PBX1: variants seen among roughly 807,000 people sequenced by gnomAD.
The protein encoded by PBX1 is PBX homeobox 1, also known as pre-B-cell leukemia transcription factor 1.
Under a neutral mutation model 53.4 loss-of-function variants are expected in PBX1, and 6 were observed. That is an observed-to-expected ratio of 0.11 (90% CI 0.06 to 0.22). PBX1 has a LOEUF of 0.22. PBX1 is among the 10% of genes least tolerant of loss of function. PBX1 has a pLI of 1.00. For synonymous variants in PBX1, 204 were observed against 212.3 expected (o/e 0.96, Z 0.34); for missense variants, 251 against 551.4 (o/e 0.46, Z 5.46).
intron 2 of PBX1, among the ~76,000 whole-genome samples, chr1:164,587,021 C>G (rs1400040099): frequency 1.3e-5 from 2 of 152,162 alleles, no homozygotes; most frequent in Non-Finnish European, 2.9e-5. Context: ...GGATGTCATG[C>G]ATAACGAGGT....
rs1276540840 is a variant in PBX1, at chr1:164,599,705, G to A, written c.265+36394G>A. Among the ~76,000 whole-genome samples the A allele has an allele frequency of 2.0e-5, 3 of 152,288 alleles. No homozygotes were observed. The East Asian group carries it at 5.8e-4, about 29-fold the overall frequency. On this transcript the variant is annotated intron_variant, in intron 2 of 8. Coordinates refer to ENST00000420696, the MANE Select transcript of PBX1 (RefSeq NM_002585.4). ...CTCTGTTATATAATATAAATGCTTAGGGAAGCTTAGATTCAATGGGTTGTG... is the reference window on the plus strand; with the variant it reads ...CTCTGTTATATAATATAAATGCTTAAGGAAGCTTAGATTCAATGGGTTGTG...
downstream of PBX1, among the ~76,000 whole-genome samples, chr1:164,853,005 C>T (rs1437330929): frequency 6.6e-6 from 1 of 152,192 alleles, no homozygotes; most frequent in Non-Finnish European, 1.5e-5. Context: ...AAGAAACAGA[C>T]CAAAAATGTA....
intron 2 of PBX1, among the ~76,000 whole-genome samples, chr1:164,667,580 C>T (rs1166637986): frequency 6.6e-6 from 1 of 152,164 alleles, no homozygotes; most frequent in Non-Finnish European, 1.5e-5. Flanking sequence ...CAAGACATCA[C>T]ATGGACCCCT....
intron 2 of PBX1, among the ~76,000 whole-genome samples, chr1:164,591,750 A>ACG (rs1655396955): frequency 6.6e-6 from 1 of 152,210 alleles, no homozygotes; most frequent in Non-Finnish European, 1.5e-5. Context: ...AGACTTGTGC[A>ACG]GGTTTTCCTA....
chr1:164,563,865 C>A (rs915594471), intron 2 of PBX1: 1 of 152,236 alleles, frequency 6.6e-6, no homozygotes, highest in Non-Finnish European at 1.5e-5. Context: ...CAGGGAGAAT[C>A]GTTGGGTTTA....
chr1:164,633,541 G>A (rs1451184009), intron 2 of PBX1, among the ~76,000 whole-genome samples: 1 of 152,164 alleles, frequency 6.6e-6, no homozygotes, highest in Admixed American at 6.5e-5. Flanking sequence ...TGGGGTCTCA[G>A]TATGGACTGT....
Position 164,559,430 on chromosome 1 carries a change from A to G in PBX1, c.-393A>G, listed in dbSNP as rs1351587945. The G allele has an allele frequency of 4.4e-5, 11 of 247,440 alleles. No individual in the cohort carries two copies. Among genetic ancestry groups the G allele is most frequent in the Non-Finnish European group, 7.0e-5 (9 of 128,324 alleles). The allele number at this position is 247,440 out of a possible 1,614,324, so 15.3% of individuals were successfully genotyped here. On this transcript the variant is annotated 5_prime_UTR_variant, in exon 1 of 9. Coordinates refer to ENST00000420696, the MANE Select transcript of PBX1 (RefSeq NM_002585.4). ...TCAATGCATATTTGCAAAAGGATTAAGCCACAGATTTAAGCGCCGGGAGCC... is the reference window on the plus strand; with the variant it reads ...TCAATGCATATTTGCAAAAGGATTAGGCCACAGATTTAAGCGCCGGGAGCC...
At chr1:164,609,261 A>G (rs1050353505) in intron 2 of PBX1, among the ~76,000 whole-genome samples, 3 of 152,032 alleles carry the variant, frequency 2.0e-5, no homozygotes, top group Non-Finnish European at 2.9e-5. Context: ...TGATAAGTTC[A>G]GAACAAGAGA....
chr1:164,742,406 G>T (rs1571321882), intron 2 of PBX1, among the ~76,000 whole-genome samples: 1 of 152,260 alleles, frequency 6.6e-6, no homozygotes, highest in East Asian at 1.9e-4. Flanking sequence ...GCCAGGCATG[G>T]TGATGCACAT....
chr1:164,782,848 C>T (rs1667999204), intron 2 of PBX1, among the ~76,000 whole-genome samples: 1 of 152,204 alleles, frequency 6.6e-6, no homozygotes, highest in Non-Finnish European at 1.5e-5. Context: ...TGGGGTTTCT[C>T]TACATCCTGG....
intron 2 of PBX1, among the ~76,000 whole-genome samples, chr1:164,747,658 T>G (rs898285917): frequency 9.9e-5 from 15 of 152,170 alleles, no homozygotes; most frequent in Admixed American, 2.0e-4. Flanking sequence ...TTGCTGTCTC[T>G]TCTTAGGCTC....
At chr1:164,813,176 G>A (rs144273920) in intron 6 of PBX1, 25 of 152,260 alleles carry the variant, frequency 1.6e-4, no homozygotes, top group African/African-American at 5.8e-4. Flanking sequence ...GAAATGTAGG[G>A]TTCCACAGAC....
intron 3 of PBX1, among the ~76,000 whole-genome samples, chr1:164,798,239 T>C (rs1383998227): frequency 6.6e-6 from 1 of 152,262 alleles, no homozygotes; most frequent in Non-Finnish European, 1.5e-5. Context: ...ACTATTGTTA[T>C]TGTTATTGCG....
intron 2 of PBX1, among the ~76,000 whole-genome samples, chr1:164,735,957 AGTTT>A (rs1204056109): frequency 6.6e-6 from 1 of 152,180 alleles, no homozygotes; most frequent in Non-Finnish European, 1.5e-5. Context: ...AAGAGCAAGC[AGTTT>A]GTTTGCTCAG....
At chr1:164,795,785 T>C (rs1248829142) in intron 3 of PBX1, among the ~76,000 whole-genome samples, 1 of 152,166 alleles carries the variant, frequency 6.6e-6, no homozygotes, top group Non-Finnish European at 1.5e-5. Context: ...ATAGAAAACC[T>C]TGGTCAAGTG....
chr1:164,803,751 T>C (rs1460401540), intron 4 of PBX1, among the ~76,000 whole-genome samples: 2 of 152,216 alleles, frequency 1.3e-5, no homozygotes, highest in Non-Finnish European at 2.9e-5. Flanking sequence ...GAATTTATCC[T>C]ATTAAACAGC....
intron 2 of PBX1, among the ~76,000 whole-genome samples, chr1:164,786,741 G>T (rs1001394608): frequency 7.0e-6 from 1 of 143,678 alleles, no homozygotes; most frequent in Non-Finnish European, 1.5e-5. Flanking sequence ...ACACACACAC[G>T]CACAGAATAG....
At chr1:164,656,147 T>C (rs1191755047) in intron 2 of PBX1, among the ~76,000 whole-genome samples, 2 of 152,202 alleles carry the variant, frequency 1.3e-5, no homozygotes, top group Non-Finnish European at 2.9e-5. Context: ...ATATAATGAA[T>C]AATTGTTAGG....
intron 2 of PBX1, among the ~76,000 whole-genome samples, chr1:164,632,997 A>G (rs999160667): frequency 6.6e-6 from 1 of 152,198 alleles, no homozygotes; most frequent in Admixed American, 6.5e-5. Flanking sequence ...AGTGGATATC[A>G]GTTTGCTTAA....
Sources: allele counts gnomAD v4.1 joint callset (sites outside exome capture counted in the v4.1 genomes callset), GRCh38; gene constraint gnomAD v4.1.1; transcripts MANE v1.5; gene names NCBI Gene and HGNC (gene_info 2026-07-23, HGNC 2026-07-21).